The following HSD17B12 variants were observed in gnomAD, a reference collection of about 807,000 sequenced individuals.
HSD17B12 encodes the protein very-long-chain 3-oxoacyl-CoA reductase.
Under a neutral mutation model 39.3 loss-of-function variants are expected in HSD17B12, and 32 were observed. The ratio of observed to expected loss-of-function variants is 0.81; its 90% CI spans 0.61 to 1.09. The LOEUF (loss-of-function observed/expected upper bound fraction) is 1.09. Among genes scored for constraint, HSD17B12 ranks in the 50% least tolerant of loss-of-function variants. The pLI is 0.00. For synonymous variants in HSD17B12, 150 were observed against 146.7 expected (o/e 1.02, Z -0.16); for missense variants, 342 against 382.9 (o/e 0.89, Z 0.89).
chr11:43,742,926 G>A (rs567638286), intron 1 of HSD17B12, among the ~76,000 whole-genome samples: 2 of 152,226 alleles, frequency 1.3e-5, no homozygotes, highest in Non-Finnish European at 2.9e-5. Context: ...AATATCAGAG[G>A]TTAAATTTTT....
chr11:43,716,911 A>G (rs1236622559), intron 1 of HSD17B12, among the ~76,000 whole-genome samples: 1 of 151,848 alleles, frequency 6.6e-6, no homozygotes, highest in Non-Finnish European at 1.5e-5. Flanking sequence ...TGAAGGTGCT[A>G]GTGTTCTAAA....
the HSD17B12 span, among the ~76,000 whole-genome samples, chr11:43,585,487 C>T: frequency 2.0e-5 from 3 of 152,110 alleles, no homozygotes; most frequent in South Asian, 2.1e-4. Context: ...AAGCACATTA[C>T]GTGGAAGATC....
At chr11:43,653,708 T>C in the HSD17B12 span, among the ~76,000 whole-genome samples, 1 of 152,214 alleles carries the variant, frequency 6.6e-6, no homozygotes. Context: ...GCTTCATCCA[T>C]GTCCTTACAA....
the HSD17B12 span, among the ~76,000 whole-genome samples, chr11:43,631,623 GTC>G: frequency 1.7e-5 from 1 of 59,144 alleles, no homozygotes; most frequent in Non-Finnish European, 4.5e-5. Context: ...CTCTCTCTCT[GTC>G]TGTCTGTCGC....
At chr11:43,613,420 CAAA>C in the HSD17B12 span, among the ~76,000 whole-genome samples, 10 of 149,012 alleles carry the variant, frequency 6.7e-5, no homozygotes, top group Non-Finnish European at 1.2e-4. Flanking sequence ...ACAACAACAA[CAAA>C]AAAAAACAAA....
the HSD17B12 span, among the ~76,000 whole-genome samples, chr11:43,661,047 C>T: frequency 6.6e-6 from 1 of 152,102 alleles, no homozygotes; most frequent in East Asian, 1.9e-4. Flanking sequence ...ATTGCTTGAA[C>T]CTGGTTGGCA....
At chr11:43,588,587 AT>A in the HSD17B12 span, among the ~76,000 whole-genome samples, 1 of 121,068 alleles carries the variant, frequency 8.3e-6, no homozygotes, top group African/African-American at 2.7e-5. Context: ...TGTTCAAAAA[AT>A]GTTAGCTATT....
At chr11:43,593,110 T>C in the HSD17B12 span, among the ~76,000 whole-genome samples, 1 of 152,210 alleles carries the variant, frequency 6.6e-6, no homozygotes. Context: ...TTCTTTTGTT[T>C]ACATATTTGC....
At chr11:43,637,324 G>T in the HSD17B12 span, among the ~76,000 whole-genome samples, 1 of 149,780 alleles carries the variant, frequency 6.7e-6, no homozygotes, top group Non-Finnish European at 1.5e-5. Context: ...AGGTTCCAGC[G>T]ATTCTCCTGC....
the HSD17B12 span, among the ~76,000 whole-genome samples, chr11:43,662,377 T>TTGTGTGTGTGTGTGTGTG: frequency 5.4e-5 from 7 of 128,480 alleles, no homozygotes; most frequent in East Asian, 4.7e-4. Context: ...TTTATTTTAT[T>TTGTGTGTGTGTGTGTGTG]TGTGTGTGTG....
chr11:43,617,958 T>C, the HSD17B12 span, among the ~76,000 whole-genome samples: 1 of 152,210 alleles, frequency 6.6e-6, no homozygotes, highest in Non-Finnish European at 1.5e-5. Flanking sequence ...CTAAGGAAAC[T>C]GCATTAGACA....
chr11:43,721,468 C>T (rs1950175621), intron 1 of HSD17B12, among the ~76,000 whole-genome samples: 1 of 151,772 alleles, frequency 6.6e-6, no homozygotes, highest in African/African-American at 2.4e-5. Flanking sequence ...AATACAAAAA[C>T]ATTGGCTGGG....
At chr11:43,748,733 A>C (rs543642753) in intron 1 of HSD17B12, among the ~76,000 whole-genome samples, 1 of 152,210 alleles carries the variant, frequency 6.6e-6, no homozygotes, top group Non-Finnish European at 1.5e-5. Flanking sequence ...GTTAGTTACT[A>C]ATGTTTCCTA....
the HSD17B12 span, chr11:43,576,599 A>T: frequency 6.6e-6 from 1 of 151,894 alleles, no homozygotes; most frequent in Non-Finnish European, 1.5e-5. Context: ...TCTCTTAAGG[A>T]GTTCCCGTTT....
At chr11:43,628,797 A>C in the HSD17B12 span, among the ~76,000 whole-genome samples, 1 of 151,700 alleles carries the variant, frequency 6.6e-6, no homozygotes, top group Non-Finnish European at 1.5e-5. Flanking sequence ...AATTTAATAA[A>C]ATTAAATTAT....
At chr11:43,816,837 G>A (rs947848633) in intron 6 of HSD17B12, among the ~76,000 whole-genome samples, 1 of 151,854 alleles carries the variant, frequency 6.6e-6, no homozygotes, top group Admixed American at 6.6e-5. Context: ...TCGTAGCTTA[G>A]TTCCCACTTA....
chr11:43,795,920 T>C (rs1005053405), intron 3 of HSD17B12, among the ~76,000 whole-genome samples: 1 of 151,880 alleles, frequency 6.6e-6, no homozygotes, highest in Non-Finnish European at 1.5e-5. Context: ...CTGGGGGGGA[T>C]GGTTGCATTT....
intron 1 of HSD17B12, among the ~76,000 whole-genome samples, chr11:43,723,158 C>T (rs536676179): frequency 4.1e-4 from 62 of 152,132 alleles, no homozygotes; most frequent in Non-Finnish European, 7.1e-4. Flanking sequence ...GAGAACCTTC[C>T]AGAGGTTTGC....
chr11:43,696,702 C>A lies in HSD17B12; in HGVS notation c.160+15715C>A, dbSNP rs978545817. ...AATATAAATCATTCTACTATAAAGA[C>A]ACATGGACACATATGTTGAATGCAG... On this transcript the variant is annotated intron_variant, in intron 1 of 10. Transcript: ENST00000278353. Among the ~76,000 whole-genome samples, 3 of 152,314 alleles carry A rather than the reference C, an allele frequency of 2.0e-5. No homozygotes were observed. In the South Asian group the frequency reaches 6.2e-4, roughly 32 times the overall value.
Sources: gnomAD v4.1 joint callset for allele counts (sites outside exome capture counted in the v4.1 genomes callset) on GRCh38, gnomAD v4.1.1 for gene constraint, MANE v1.5 for transcripts, NCBI Gene and HGNC (gene_info 2026-07-23, HGNC 2026-07-21) for gene names.